C1orf54: variants seen among roughly 807,000 people sequenced by gnomAD.
C1orf54 encodes the protein uncharacterized protein C1orf54.
C1orf54 carries 12 observed loss-of-function variants against 14.7 expected under a neutral mutation model. That is an observed-to-expected ratio of 0.82 (90% CI 0.52 to 1.32). C1orf54 has a LOEUF of 1.32. C1orf54 is among the 40% of genes most tolerant of loss of function. The pLI, the probability that C1orf54 is intolerant of heterozygous loss-of-function variation, is 0.00. For synonymous variants in C1orf54, 65 were observed against 56.3 expected (o/e 1.16, Z -0.70); for missense variants, 163 against 162.2 (o/e 1.00, Z -0.03).
chr1:150,278,154 G>A (rs1392130131), intron 4 of C1orf54, among the ~76,000 whole-genome samples: 1 of 152,166 alleles, frequency 6.6e-6, no homozygotes, highest in African/African-American at 2.4e-5. Context: ...AAATAATTTA[G>A]TGGAAAGCAA....
chr1:150,268,995 T>G, upstream of C1orf54: 1 of 548,980 alleles, frequency 1.8e-6, no homozygotes, highest in Non-Finnish European at 3.3e-6. Flanking sequence ...TCCGCGCCAC[T>G]TCCTCTACGG....
chr1:150,272,010 C>T (rs998267398), upstream of C1orf54, among the ~76,000 whole-genome samples: 9 of 152,044 alleles, frequency 5.9e-5, no homozygotes, highest in South Asian at 2.1e-4. Flanking sequence ...CATGGTGGCA[C>T]GCGCCTGTAG....
At chr1:150,273,977 GAAAA>G in intron 1 of C1orf54, 106 bp from the exon 2 acceptor site, 1 of 712,388 alleles carries the variant, frequency 1.4e-6, no homozygotes. Flanking sequence ...GAGAGAGAGA[GAAAA>G]GAAAGAAAGA....
upstream of C1orf54, chr1:150,269,220 G>A (rs1263388706): frequency 5.6e-6 from 1 of 179,210 alleles, no homozygotes; most frequent in Admixed American, 5.7e-5. Context: ...ACCAATTCCA[G>A]GGTTCGGTTG....
intron 3 of C1orf54, 59 bp downstream of exon 3, chr1:150,275,858 C>T (rs587713728): frequency 6.5e-5 from 94 of 1,456,006 alleles, no homozygotes; most frequent in Non-Finnish European, 8.2e-5. Context: ...AGAAACTGGC[C>T]GGGCGCAGTG....
chr1:150,275,664 A>T, intron 2 of C1orf54, 77 bp from the exon 3 acceptor site: 3 of 1,170,076 alleles, frequency 2.6e-6, no homozygotes, highest in Non-Finnish European at 3.8e-6. Context: ...TATTCTGAGT[A>T]ATTTCTTCCC....
At position 150,279,663 on chromosome 1, in the gene C1orf54, C is replaced by G. The variant is rs1437016863; in HGVS notation, c.321C>G (p.Ala107=). 1.2e-6 allele frequency: 2 copies of G among 1,612,502 alleles called. No homozygotes were observed. The highest frequency in any genetic ancestry group is 1.3e-5 in the African/African-American group (1 of 74,840). Residue 107 remains alanine (A), a synonymous_variant, in exon 5 of 6, where the codon GCC becomes GCG. Transcript: ENST00000369099. ...AGCAGAGTCCAGATCTGAACGATGCCGTGTCCAGTTTGCGAAGTCCTATTC... is the reference window on the plus strand; with the variant it reads ...AGCAGAGTCCAGATCTGAACGATGCGGTGTCCAGTTTGCGAAGTCCTATTC... ...TTEPSPDLND[A]VSSLRSPIPL... is the part of the protein sequence containing the mutation.
At chr1:150,274,253 TG>T in intron 2 of C1orf54, 83 bp downstream of exon 2, 1 of 1,069,088 alleles carries the variant, frequency 9.4e-7, no homozygotes, top group Non-Finnish European at 1.4e-6. Flanking sequence ...CTCTTCACTT[TG>T]AAGCAGAGCA....
intron 5 of C1orf54, 91 bp downstream of exon 5, chr1:150,279,832 C>G: frequency 9.1e-7 from 1 of 1,092,984 alleles, no homozygotes; most frequent in South Asian, 1.5e-5. Context: ...ACCAGTATCT[C>G]TAGTTAGTGT....
At chr1:150,278,745 C>CT (rs1258984566) in intron 4 of C1orf54, among the ~76,000 whole-genome samples, 1 of 152,222 alleles carries the variant, frequency 6.6e-6, no homozygotes, top group African/African-American at 2.4e-5. Flanking sequence ...GTAGTTTTAA[C>CT]TGAGTGCTTG....
upstream of C1orf54, chr1:150,272,611 C>T: frequency 5.1e-6 from 3 of 591,744 alleles, no homozygotes; most frequent in East Asian, 5.7e-5. Context: ...CCCCTTTTGC[C>T]TCTCAATCTG....
rs146541375 is a variant in C1orf54 at position 150,276,837 on chromosome 1, G to T, written c.300+205G>T. On this transcript the variant is annotated intron_variant, in intron 4 of 5. Transcript: ENST00000369099. ...CAGAACACTGGGAAGATATGGTACA[G>T]TTAAATTTCAGTTCAGTAGTATTCA... Among the ~76,000 whole-genome samples the T allele has an allele frequency of 1.5e-4, 23 of 152,280 alleles. No homozygotes were observed. In the East Asian group the frequency reaches 3.9e-3, roughly 26 times the overall value.
chr1:150,277,502 TAAAA>T (rs71083896), intron 4 of C1orf54, among the ~76,000 whole-genome samples: 19 of 41,334 alleles, frequency 4.6e-4, no homozygotes, highest in African/African-American at 9.7e-4. Context: ...GACTCTATAC[TAAAA>T]AAAAAAAAAA....
At chr1:150,278,949 T>C (rs1325879508) in intron 4 of C1orf54, among the ~76,000 whole-genome samples, 7 of 152,162 alleles carry the variant, frequency 4.6e-5, no homozygotes, top group East Asian at 1.9e-4. Context: ...AAGTGAAAGA[T>C]TGACAATAAG....
At chr1:150,272,737 G>A, upstream of C1orf54, 1 of 1,415,788 alleles carries the variant, frequency 7.1e-7, no homozygotes, top group Middle Eastern at 1.8e-4. Context: ...TGCTTTGGAG[G>A]AGGAGGGGAG....
In C1orf54 at chr1:150,272,872, A is replaced by T. The variant is rs369066637; in HGVS notation, c.46+9A>T. 5 of 1,613,662 alleles carry T rather than the reference A, an allele frequency of 3.1e-6. 1 individual carries two copies. The African/African-American group carries it at 6.7e-5, about 22-fold the overall frequency. On this transcript the variant is annotated intron_variant, in intron 1 of 5. Coordinates refer to ENST00000369099, the MANE Select transcript of C1orf54 (RefSeq NM_024579.4). ...TGTGCCACTTATCCTGGGTAAGTCC[A>T]CTCCTCTCTCTGAGCTTTTGTGCCA...
intron 2 of C1orf54, among the ~76,000 whole-genome samples, chr1:150,274,382 C>CCT (rs1553851965): frequency 6.6e-6 from 1 of 151,782 alleles, no homozygotes; most frequent in Non-Finnish European, 1.5e-5. Context: ...GGGCGGATCA[C>CCT]GAGGTCAGGA....
upstream of C1orf54, among the ~76,000 whole-genome samples, chr1:150,269,906 G>A (rs587628186): frequency 2.0e-5 from 3 of 152,196 alleles, no homozygotes; most frequent in East Asian, 1.9e-4. Flanking sequence ...ATGTGGTGGC[G>A]CACGCCTGTA....
At chr1:150,279,224 G>A (rs1034331790) in intron 4 of C1orf54, among the ~76,000 whole-genome samples, 1 of 152,214 alleles carries the variant, frequency 6.6e-6, no homozygotes, top group Non-Finnish European at 1.5e-5. Flanking sequence ...AGCTGAGATT[G>A]CACCACTGCA....
Sources: allele counts gnomAD v4.1 joint callset (sites outside exome capture counted in the v4.1 genomes callset), GRCh38; gene constraint gnomAD v4.1.1; transcripts MANE v1.5; gene names NCBI Gene and HGNC (gene_info 2026-07-23, HGNC 2026-07-21).